SPG11: variants seen among roughly 807,000 people sequenced by gnomAD.
SPG11 encodes spatacsin.
Under a neutral mutation model 274.0 loss-of-function variants are expected in SPG11, and 222 were observed. The ratio of observed to expected loss-of-function variants is 0.81; its 90% confidence interval spans 0.73 to 0.91. The LOEUF (loss-of-function observed/expected upper bound fraction) is 0.91, where lower values mean the gene tolerates loss of function less well. Ranked by LOEUF, SPG11 falls within the 40% of genes least tolerant of loss-of-function variation. SPG11 has a pLI of 0.00. For synonymous variants in SPG11, 1,144 were observed against 1,039.7 expected, an observed-to-expected ratio of 1.10 and a Z score of -1.93; for missense variants, 3,114 against 2,872.7, an observed-to-expected ratio of 1.08 and a Z score of -1.92.
Position 44,659,177 on chromosome 15 carries a change from C to T in SPG11, c.569G>A (p.Cys190Tyr). 2 of 1,614,180 alleles carry T rather than the reference C, an allele frequency of 1.2e-6. No individual in the cohort carries two copies. ...CTGTGCAGGCAAGGGAAGTGTGAAA[C>T]AGTTGAGTACTCTAATTGCAGCATC... ...ERDAAIRVLN[C>Y]FTLPLPAQAV... Residue 190 changes from cysteine to tyrosine, a missense_variant, in exon 3 of 40, where the codon TGT becomes TAT. Physicochemically the swap from Cys to Tyr is radical, Grantham distance 194. Transcript: ENST00000261866.
rs369245384 is a variant in SPG11, at chr15:44,567,472, C to G, written c.6706G>C (p.Glu2236Gln). ...SMCREIGENH[E>Q]AAARIQLKLI... ...TTCAGTTGGATGCGGGCAGCTGCCT[C>G]GTGGTTCTCGCCAATCTCCCGGCAC... The change falls in exon 36 of 40, where the codon GAG becomes CAG. Residue 2236 changes from glutamate to glutamine, a missense_variant. By Grantham distance (29) the Glu-to-Gln change is conservative. Transcript: ENST00000261866. The G allele has an allele frequency of 2.5e-6, 4 of 1,613,894 alleles. No individual in the cohort carries two copies. The African/African-American group carries it at 5.3e-5, about 22-fold the overall frequency.
intron 27 of SPG11, among the ~76,000 whole-genome samples, chr15:44,591,931 GA>G (rs1308649931): frequency 9.2e-5 from 14 of 152,132 alleles, no homozygotes; most frequent in Admixed American, 6.5e-5. Flanking sequence ...CCAACATGGT[GA>G]AACCCTGTCT....
intron 3 of SPG11, among the ~76,000 whole-genome samples, 200 bp downstream of exon 3, chr15:44,658,879 G>A: frequency 6.6e-6 from 1 of 152,264 alleles, no homozygotes; most frequent in African/African-American, 2.4e-5. Context: ...GTATATACTG[G>A]AAAATATTCA....
intron 30 of SPG11, among the ~76,000 whole-genome samples, chr15:44,581,036 T>C (rs1227547132): frequency 6.6e-6 from 1 of 151,234 alleles, no homozygotes; most frequent in Non-Finnish European, 1.5e-5. Context: ...CACAATATAA[T>C]CAAACTGCTG....
At chr15:44,638,964 C>T (rs532541905) in intron 7 of SPG11, among the ~76,000 whole-genome samples, 2 of 151,684 alleles carry the variant, frequency 1.3e-5, no homozygotes, top group South Asian at 4.2e-4. Flanking sequence ...CCACTATACT[C>T]CAGCCTGGGT....
chr15:44,626,638 G>A (rs1178426877), intron 10 of SPG11, 131 bp from the exon 11 acceptor site: 2 of 957,328 alleles, frequency 2.1e-6, no homozygotes, highest in East Asian at 2.7e-5. Flanking sequence ...TAGATTTGGA[G>A]TTAGGTTCAA....
chr15:44,614,430 C>T (rs1475487427), intron 16 of SPG11, among the ~76,000 whole-genome samples: 1 of 152,166 alleles, frequency 6.6e-6, no homozygotes, highest in Non-Finnish European at 1.5e-5. Flanking sequence ...CACTACATTG[C>T]CCAGGCTGAT....
chr15:44,630,605 G>A (rs920014437), intron 8 of SPG11, among the ~76,000 whole-genome samples: 2 of 152,076 alleles, frequency 1.3e-5, no homozygotes, highest in African/African-American at 2.4e-5. Context: ...TTTTGAGACG[G>A]CGTTTCACTT....
intron 6 of SPG11, 63 bp downstream of exon 6, chr15:44,651,428 A>C: frequency 1.4e-6 from 2 of 1,450,368 alleles, no homozygotes; most frequent in Non-Finnish European, 1.9e-6. Flanking sequence ...AGGCAGAAGT[A>C]AAATACAGTA....
intron 23 of SPG11, 138 bp downstream of exon 23, chr15:44,598,127 C>CCAT: frequency 1.5e-6 from 1 of 679,892 alleles, no homozygotes; most frequent in Non-Finnish European, 2.7e-6. Flanking sequence ...TGAGTATCTG[C>CCAT]TACATGCTAG....
chr15:44,654,843 G>GA (rs560804597), intron 4 of SPG11, among the ~76,000 whole-genome samples: 51 of 139,470 alleles, frequency 3.7e-4, no homozygotes, highest in East Asian at 2.1e-4. Context: ...TCTCAAAAAA[G>GA]AAAAAAAAAA....
At position 44,592,359 on chromosome 15, in the gene SPG11, A is replaced by T; in HGVS notation, c.4715T>A (p.Leu1572His). The part of the protein sequence containing the change: ...FRNYKEAEAK[L>H]LEFQKSLETL... ...TTCAAGGCTCTTCTGAAACTCCAGA[A>T]GTTTAGCTTCAGCTTCTTTATAATT... The change falls in exon 27 of 40, where the codon CTT becomes CAT. Residue 1572 changes from leucine (L) to histidine (H), a missense_variant. Coordinates refer to ENST00000261866, the MANE Select transcript of SPG11 (RefSeq NM_025137.4). 6.2e-7 allele frequency: 1 copy of T among 1,610,770 alleles called. No individual in the cohort carries two copies.
chr15:44,659,625 C>T (rs1298521258), intron 2 of SPG11, among the ~76,000 whole-genome samples: 1 of 152,000 alleles, frequency 6.6e-6, no homozygotes, highest in Non-Finnish European at 1.5e-5. Flanking sequence ...AAAGAAGAAA[C>T]CTTATAATCA....
chr15:44,651,371 CCTCTATAAA>C, intron 6 of SPG11, 111 bp downstream of exon 6: 2 of 851,508 alleles, frequency 2.3e-6, no homozygotes, highest in Non-Finnish European at 3.7e-6. Context: ...CAAGAAACTT[CCTCTATAAA>C]CAATTACAAT....
At chr15:44,601,725 A>G (rs900186660) in intron 20 of SPG11, among the ~76,000 whole-genome samples, 1 of 151,494 alleles carries the variant, frequency 6.6e-6, no homozygotes, top group South Asian at 2.1e-4. Flanking sequence ...CACCTAGCTA[A>G]TTTTTGTACT....
At chr15:44,589,116 T>C in intron 28 of SPG11, 136 bp downstream of exon 28, 1 of 819,124 alleles carries the variant, frequency 1.2e-6, no homozygotes, top group Non-Finnish European at 2.0e-6. Context: ...AAGTTCTCTG[T>C]AACTTGTTTA....
Position 44,564,619 on chromosome 15 carries a change from T to G in SPG11, c.7079A>C (p.Asp2360Ala), listed in dbSNP as rs373463137. ...CTTAAATTCTTCCAAGTAATTAAAGTCTCCTTTAAGAATCACTTGCTGGTA... is the reference window on the plus strand; with the variant it reads ...CTTAAATTCTTCCAAGTAATTAAAGGCTCCTTTAAGAATCACTTGCTGGTA... ...ILYQQVILKG[D>A]FNYLEEFKQQ... is the part of the protein sequence containing the mutation. The change falls in exon 39 of 40, where the codon GAC becomes GCC. Residue 2360 changes from aspartate (D) to alanine (A), a missense_variant. Physicochemically the swap from Asp to Ala is moderately radical, Grantham distance 126. Transcript: ENST00000261866. 20 of 1,613,570 alleles carry G rather than the reference T, an allele frequency of 1.2e-5. No individual in the cohort carries two copies. The highest frequency in any genetic ancestry group is 1.6e-5 in the Non-Finnish European group (19 of 1,179,490).
At chr15:44,592,195 G>T in intron 27 of SPG11, 136 bp downstream of exon 27, 2 of 687,986 alleles carry the variant, frequency 2.9e-6, no homozygotes, top group South Asian at 1.6e-5. Context: ...GGAGTTCAAG[G>T]CTGTAGTGAG....
chr15:44,609,154 G>A (rs954074011), intron 18 of SPG11, among the ~76,000 whole-genome samples: 1 of 151,370 alleles, frequency 6.6e-6, no homozygotes, highest in Non-Finnish European at 1.5e-5. Context: ...TTTTTGAGAC[G>A]GAGTCTCACT....
Sources: allele counts gnomAD v4.1 joint callset (sites outside exome capture counted in the v4.1 genomes callset), GRCh38; gene constraint gnomAD v4.1.1; transcripts MANE v1.5; gene names NCBI Gene and HGNC (gene_info 2026-07-23, HGNC 2026-07-21).